Variants in SH3RF1 observed in about 807,000 individuals in gnomAD.
SH3RF1 encodes the protein SH3 domain containing ring finger 1.
A neutral mutation model predicts 74.0 loss-of-function variants in SH3RF1; 32 were observed. The ratio of observed to expected loss-of-function variants is 0.43; its 90% confidence interval spans 0.33 to 0.58. SH3RF1 has a LOEUF of 0.58. SH3RF1 is among the 20% of genes least tolerant of loss of function. The probability of loss-of-function intolerance (pLI) is 0.05; values close to 1 mark genes in which losing one functional copy is unlikely to be tolerated. For missense variants in SH3RF1, 954 were observed against 1,130.9 expected (o/e 0.84, Z 2.24); for synonymous variants, 396 against 439.6 (o/e 0.90, Z 1.24).
rs1415096458 is a variant in SH3RF1 at position 169,120,824 on chromosome 4, G to A, written c.1512C>T (p.Val504=). The A allele has an allele frequency of 6.2e-6, 10 of 1,614,040 alleles. No homozygotes were observed. Among genetic ancestry groups the A allele is most frequent in the Non-Finnish European group, 8.5e-6 (10 of 1,180,030 alleles). ...GVFPGNYVAP[V]TRAVTNASQA... ...CAATGTATTCAAAACCATACCTTGT[G>A]ACTGGTGCCACATAATTGCCAGGGA... Residue 504 remains valine (V), a synonymous_variant, in exon 8 of 12, where the codon GTC becomes GTT. Transcript: ENST00000284637.
chr4:169,264,135 C>T (rs1731318109), intron 2 of SH3RF1, among the ~76,000 whole-genome samples: 1 of 152,212 alleles, frequency 6.6e-6, no homozygotes, highest in Non-Finnish European at 1.5e-5. Context: ...AGGGCACAGA[C>T]TGGGTGGCTT....
chr4:169,219,981 T>TAC (rs879417905), intron 2 of SH3RF1: 8,551 of 152,126 alleles, frequency 0.056, 401 homozygotes, highest in Admixed American at 0.15. Flanking sequence ...AACTAGCGTG[T>TAC]GGTACTCTAA....
intron 2 of SH3RF1, among the ~76,000 whole-genome samples, chr4:169,198,167 G>T (rs1734851881): frequency 6.6e-6 from 1 of 152,146 alleles, no homozygotes; most frequent in South Asian, 2.1e-4. Flanking sequence ...TCTGAAACAA[G>T]GTCCTCTGTC....
intron 2 of SH3RF1, among the ~76,000 whole-genome samples, chr4:169,253,056 C>G (rs1462514427): frequency 6.6e-6 from 1 of 152,136 alleles, no homozygotes; most frequent in African/African-American, 2.4e-5. Flanking sequence ...AAACTTGCCT[C>G]TCAAGGAAAA....
At chr4:169,235,830 A>G (rs2660401) in intron 2 of SH3RF1, among the ~76,000 whole-genome samples, 99,605 of 151,596 alleles carry the variant, frequency 0.66, 32,753 homozygotes, top group Middle Eastern at 0.8. Context: ...ACAGGTGTGC[A>G]CCACCAGGAC....
chr4:169,098,814 C>T (rs566933791), intron 11 of SH3RF1, among the ~76,000 whole-genome samples: 4 of 152,300 alleles, frequency 2.6e-5, no homozygotes, highest in South Asian at 2.1e-4. Flanking sequence ...AGTCTGTTTC[C>T]TCATCTGTAG....
intron 2 of SH3RF1, among the ~76,000 whole-genome samples, chr4:169,232,525 C>A (rs1333635098): frequency 6.6e-6 from 1 of 152,188 alleles, no homozygotes; most frequent in Non-Finnish European, 1.5e-5. Context: ...TCCAAGACTT[C>A]TCATCATCCC....
intron 2 of SH3RF1, chr4:169,204,244 G>C (rs1332197085): frequency 6.6e-6 from 1 of 152,094 alleles, no homozygotes; most frequent in Admixed American, 6.5e-5. Context: ...CAAAGGTTCC[G>C]AGTACTGTAG....
At chr4:169,133,152 G>A (rs1201572979) in intron 5 of SH3RF1, among the ~76,000 whole-genome samples, 4 of 152,122 alleles carry the variant, frequency 2.6e-5, no homozygotes, top group Non-Finnish European at 5.9e-5. Flanking sequence ...GAGCTGGAAG[G>A]TGCCGAGGTC....
intron 2 of SH3RF1, among the ~76,000 whole-genome samples, chr4:169,267,331 AC>A (rs1399357900): frequency 3.3e-5 from 5 of 151,254 alleles, no homozygotes; most frequent in Non-Finnish European, 7.4e-5. Context: ...TAACAGGGAA[AC>A]AAAACCTTTC....
At chr4:169,192,933 ATG>A (rs1395081875) in intron 2 of SH3RF1, among the ~76,000 whole-genome samples, 5 of 141,704 alleles carry the variant, frequency 3.5e-5, no homozygotes, top group Non-Finnish European at 7.8e-5. Flanking sequence ...ATATATATAT[ATG>A]ATGGAATACT....
intron 11 of SH3RF1, among the ~76,000 whole-genome samples, chr4:169,104,837 G>A (rs759605281): frequency 7.3e-5 from 11 of 150,270 alleles, no homozygotes; most frequent in Admixed American, 2.7e-4. Flanking sequence ...GGAAATGGAG[G>A]TTGCAGTGAG....
chr4:169,248,689 G>A (rs1731047883), intron 2 of SH3RF1, among the ~76,000 whole-genome samples: 1 of 152,156 alleles, frequency 6.6e-6, no homozygotes. Context: ...AGGAAAAGGG[G>A]AAACATCCAC....
chr4:169,188,046 G>T (rs1734637898), intron 2 of SH3RF1, among the ~76,000 whole-genome samples: 1 of 152,054 alleles, frequency 6.6e-6, no homozygotes, highest in Non-Finnish European at 1.5e-5. Flanking sequence ...AGGACTGCTG[G>T]CAACCACCGA....
At chr4:169,202,998 A>G (rs780178443) in intron 2 of SH3RF1, among the ~76,000 whole-genome samples, 2 of 152,236 alleles carry the variant, frequency 1.3e-5, no homozygotes, top group Non-Finnish European at 2.9e-5. Context: ...TGGGATAGAC[A>G]GCTCTTGGAG....
In SH3RF1 at chr4:169,130,174, G is replaced by T; in HGVS notation, c.1069-18C>A. The T allele has an allele frequency of 6.6e-7, 1 of 1,514,130 alleles. No homozygotes were observed. The highest frequency in any genetic ancestry group is 1.3e-5 in the South Asian group (1 of 76,436). The allele number at this position is 1,514,130 out of a possible 1,614,324, so 93.8% of individuals were successfully genotyped here. A position where few individuals can be genotyped will look rare whatever the true frequency, so the allele number is the denominator to read the frequency against. ...ATATGAACCTGCCGAGAAAAGAAAA[G>T]TTATTAAAAAGAAGACTATGTTTAA... On this transcript the variant is annotated intron_variant, in intron 5 of 11. Transcript: ENST00000284637.
At chr4:169,226,710 C>T (rs568216656) in intron 2 of SH3RF1, among the ~76,000 whole-genome samples, 4 of 152,144 alleles carry the variant, frequency 2.6e-5, no homozygotes, top group Non-Finnish European at 5.9e-5. Context: ...GATAATAAAA[C>T]CTATCTTTGT....
intron 2 of SH3RF1, among the ~76,000 whole-genome samples, chr4:169,177,816 T>TG (rs1734445867): frequency 2.6e-5 from 4 of 152,258 alleles, no homozygotes; most frequent in East Asian, 1.9e-4. Context: ...TATAGTTTCC[T>TG]TATATTTGAA....
chr4:169,190,651 G>A (rs996727644), intron 2 of SH3RF1, among the ~76,000 whole-genome samples: 1 of 151,126 alleles, frequency 6.6e-6, no homozygotes, highest in Non-Finnish European at 1.5e-5. Flanking sequence ...ATTCAAAGAA[G>A]AATTGATCCC....
Sources: gnomAD v4.1 joint callset for allele counts (sites outside exome capture counted in the v4.1 genomes callset) on GRCh38, gnomAD v4.1.1 for gene constraint, MANE v1.5 for transcripts, NCBI Gene and HGNC (gene_info 2026-07-23, HGNC 2026-07-21) for gene names.